WDR19: variants seen among roughly 807,000 people sequenced by gnomAD.
WDR19 encodes WD repeat domain 19, also known as WD repeat-containing protein 19.
A neutral mutation model predicts 180.0 loss-of-function variants in WDR19; 121 were observed. The ratio of observed to expected loss-of-function variants is 0.67; its 90% CI spans 0.58 to 0.78. The LOEUF is 0.78. Ranked by LOEUF, WDR19 falls within the 30% of genes least tolerant of loss-of-function variation. The probability of loss-of-function intolerance (pLI) is 0.00; values close to 1 mark genes in which losing one functional copy is unlikely to be tolerated. For synonymous variants in WDR19, 497 were observed against 540.7 expected (o/e 0.92, Z 1.12); for missense variants, 1,450 against 1,640.7 (o/e 0.88, Z 2.01).
chr4:39,205,556 G>T lies in WDR19; in HGVS notation c.717-7G>T, dbSNP rs760756020. 1 of 1,608,486 alleles carries T rather than the reference G, an allele frequency of 6.2e-7. No individual in the cohort carries two copies. Among genetic ancestry groups the T allele is most frequent in the East Asian group, 2.2e-5 (1 of 44,756 alleles). On this transcript the variant is annotated splice_region_variant and splice_polypyrimidine_tract_variant and intron_variant, in intron 8 of 36. Coordinates refer to ENST00000399820, the MANE Select transcript of WDR19 (RefSeq NM_025132.4). ...TGTTTACCATATTGTTGCCTTCTTT[G>T]CTATAGGTATGGTGATGGCCGCATC...
chr4:39,201,339 T>G (rs1727357914), intron 6 of WDR19, among the ~76,000 whole-genome samples: 1 of 152,178 alleles, frequency 6.6e-6, no homozygotes. Context: ...CATTTATTAT[T>G]TCCCTTCATA....
intron 28 of WDR19, among the ~76,000 whole-genome samples, chr4:39,261,200 C>T (rs1734263458): frequency 1.3e-5 from 2 of 150,696 alleles, no homozygotes. Context: ...GCATGTTGGC[C>T]AGGCTGTTCT....
chr4:39,207,068 T>C (rs764334361), intron 9 of WDR19, among the ~76,000 whole-genome samples: 22 of 152,206 alleles, frequency 1.4e-4, no homozygotes, highest in Admixed American at 3.3e-4. Context: ...ATAGCAGATA[T>C]AGAAATGCTC....
At position 39,224,889 on chromosome 4, in the gene WDR19, TGTC is replaced by T; in HGVS notation, c.1488_1490del (p.Val497del). The T allele has an allele frequency of 6.7e-7, 1 of 1,501,032 alleles. No homozygotes were observed. The highest frequency in any genetic ancestry group is 1.4e-5 in the African/African-American group (1 of 70,560). 93.0% of individuals were successfully genotyped at this position (1,501,032 alleles called of 1,614,324 possible). A position where few individuals can be genotyped will look rare whatever the true frequency, so the allele number is the denominator to read the frequency against. Reference sequence around the variant, plus strand: ...GGATTTTTTTTTTTTTTTAGACTGGTGTCGTTCAGTATTTCTACATTGAAGACT... The same window carrying T: ...GGATTTTTTTTTTTTTTTAGACTGGTGTTCAGTATTTCTACATTGAAGACT... On this transcript the variant is annotated inframe_deletion, in exon 15 of 37. Coordinates refer to ENST00000399820, the MANE Select transcript of WDR19 (RefSeq NM_025132.4).
intron 29 of WDR19, 125 bp from the exon 30 acceptor site, chr4:39,267,870 A>T: frequency 1.2e-6 from 1 of 841,346 alleles, no homozygotes. Flanking sequence ...TTATTCATTG[A>T]GTTTTTAAAG....
chr4:39,214,553 T>G (rs762036208), intron 9 of WDR19, 48 bp from the exon 10 acceptor site: 14 of 1,140,328 alleles, frequency 1.2e-5, no homozygotes, highest in Non-Finnish European at 1.8e-5. Flanking sequence ...AAAACAGTTT[T>G]ATATAAAGAT....
intron 36 of WDR19, among the ~76,000 whole-genome samples, chr4:39,283,435 A>T (rs1736783964): frequency 1.3e-5 from 2 of 151,252 alleles, no homozygotes; most frequent in Non-Finnish European, 3.0e-5. Flanking sequence ...TTAGGTCTAC[A>T]ATTTTGTTAC....
chr4:39,195,588 C>T (rs1020180684), intron 5 of WDR19, among the ~76,000 whole-genome samples: 3 of 152,096 alleles, frequency 2.0e-5, no homozygotes, highest in African/African-American at 7.2e-5. Flanking sequence ...AACCTCTGGT[C>T]ACTTGGCATC....
intron 14 of WDR19, among the ~76,000 whole-genome samples, chr4:39,223,583 C>T (rs1422417033): frequency 6.6e-6 from 1 of 152,044 alleles, no homozygotes; most frequent in East Asian, 1.9e-4. Context: ...ACCTCGTGAT[C>T]CACCCACTTC....
At chr4:39,183,850 A>G (rs1360868440) in intron 1 of WDR19, among the ~76,000 whole-genome samples, 1 of 152,210 alleles carries the variant, frequency 6.6e-6, no homozygotes, top group Non-Finnish European at 1.5e-5. Context: ...TATGTGGAGC[A>G]TCTATAGAGC....
At chr4:39,240,463 A>G (rs1407062098) in intron 21 of WDR19, 129 bp downstream of exon 21, 1 of 423,048 alleles carries the variant, frequency 2.4e-6, no homozygotes, top group Non-Finnish European at 3.9e-6. Flanking sequence ...TTGGTTTACT[A>G]ACAACCTTGC....
In WDR19 at chr4:39,278,639, G is replaced by A; in HGVS notation, c.4018G>A (p.Glu1340Lys). Reference protein sequence around the residue: ...SDCTQYLRTEEEL With the variant: ...SDCTQYLRTEKEL Reference sequence around the variant, plus strand: ...CTGTACCCAGTACCTGCGAACGGAGGAGGAACTGTGATTGGCACGTGCAGG... The same window carrying A: ...CTGTACCCAGTACCTGCGAACGGAGAAGGAACTGTGATTGGCACGTGCAGG... Residue 1340 changes from glutamate to lysine, a missense_variant, in exon 36 of 37, where the codon GAG (glutamate) becomes AAG (lysine). Glu to Lys is a moderately conservative substitution (Grantham distance 56, BLOSUM62 1). Coordinates refer to ENST00000399820, the MANE Select transcript of WDR19 (RefSeq NM_025132.4). 6.2e-7 allele frequency: 1 copy of A among 1,611,004 alleles called. No individual in the cohort carries two copies. Among genetic ancestry groups the A allele is most frequent in the Non-Finnish European group, 8.5e-7 (1 of 1,178,048 alleles).
chr4:39,186,611 A>T lies in WDR19; in HGVS notation c.164+7A>T. ...GTGAAATTAACTTACCTGGGTAAGTACAGAAGTAGATTTAAAAAAACCTGT... is the reference window on the plus strand; with the variant it reads ...GTGAAATTAACTTACCTGGGTAAGTTCAGAAGTAGATTTAAAAAAACCTGT... On this transcript the variant is annotated splice_region_variant and intron_variant, in intron 3 of 36. Transcript: ENST00000399820. 1 of 1,536,506 alleles carries T rather than the reference A, an allele frequency of 6.5e-7. No homozygotes were observed. Among genetic ancestry groups the T allele is most frequent in the East Asian group, 2.3e-5 (1 of 42,810 alleles).
intron 24 of WDR19, 129 bp downstream of exon 24, chr4:39,245,581 G>A (rs893558859): frequency 1.1e-6 from 1 of 902,260 alleles, no homozygotes; most frequent in Non-Finnish European, 1.7e-6. Flanking sequence ...ATTACCCCTT[G>A]TTGGCCTGAA....
intron 36 of WDR19, among the ~76,000 whole-genome samples, chr4:39,281,866 C>T (rs1008701162): frequency 3.9e-5 from 6 of 152,068 alleles, no homozygotes; most frequent in South Asian, 2.1e-4. Context: ...TTTTCTTTGG[C>T]GGGGGGAGGA....
At chr4:39,211,961 G>C (rs868274433) in intron 9 of WDR19, among the ~76,000 whole-genome samples, 2 of 141,298 alleles carry the variant, frequency 1.4e-5, no homozygotes, top group African/African-American at 6.0e-5. Flanking sequence ...GAGAGAGAGA[G>C]AGAGAGAGAG....
chr4:39,186,493 A>G (rs1405336033), intron 2 of WDR19, 46 bp from the exon 3 acceptor site: 1 of 1,235,366 alleles, frequency 8.1e-7, no homozygotes, highest in Admixed American at 2.9e-5. Context: ...AAAAAAAAAA[A>G]AAAAAAAAAA....
At chr4:39,263,189 G>T (rs1734468828) in intron 28 of WDR19, among the ~76,000 whole-genome samples, 1 of 151,846 alleles carries the variant, frequency 6.6e-6, no homozygotes, top group Non-Finnish European at 1.5e-5. Context: ...GCTCACTGGT[G>T]TCCCTCAGGT....
chr4:39,217,049 A>G (rs1729138425), intron 12 of WDR19, 85 bp from the exon 13 acceptor site: 1 of 894,080 alleles, frequency 1.1e-6, no homozygotes, highest in Non-Finnish European at 1.7e-6. Flanking sequence ...TTTTTGCAAA[A>G]GCACACCTTT....
Sources: allele counts gnomAD v4.1 joint callset (sites outside exome capture counted in the v4.1 genomes callset), GRCh38; gene constraint gnomAD v4.1.1; transcripts MANE v1.5; gene names NCBI Gene and HGNC (gene_info 2026-07-23, HGNC 2026-07-21).